MALSU1: variants seen among roughly 807,000 people sequenced by gnomAD.
The protein encoded by MALSU1 is mitochondrial assembly of ribosomal large subunit 1.
A neutral mutation model predicts 22.1 loss-of-function variants in MALSU1; 22 were observed. The ratio of observed to expected loss-of-function variants is 1.00; its 90% confidence interval spans 0.71 to 1.42. The LOEUF is 1.42. MALSU1 is among the 40% of genes most tolerant of loss of function. The pLI is 0.00. For synonymous variants in MALSU1, 153 were observed against 118.5 expected, an observed-to-expected ratio of 1.29 and a Z score of -1.89; for missense variants, 379 against 308.3, an observed-to-expected ratio of 1.23 and a Z score of -1.72.
chr7:23,300,299 C>G (rs966961316), intron 1 of MALSU1, among the ~76,000 whole-genome samples: 2 of 152,100 alleles, frequency 1.3e-5, no homozygotes, highest in African/African-American at 4.8e-5. Flanking sequence ...ATAATAATTA[C>G]TCAAAAATGT....
Position 23,309,365 on chromosome 7 carries a change from T to C in MALSU1, c.527T>C (p.Val176Ala). ...TATCTGTCCCTGACAGGCAGCATGG[T>C]GATTCATTTGATGCTTCCAGAAACC... ...DWLCVDFGSM[V>A]IHLMLPETRE... The change falls in exon 4 of 4, where the codon GTG becomes GCG. Residue 176 changes from valine (V) to alanine (A), a missense_variant. Val to Ala is a moderately conservative substitution (Grantham distance 64). Transcript: ENST00000466681. 2 of 1,609,594 alleles carry C rather than the reference T, an allele frequency of 1.2e-6. No individual in the cohort carries two copies. The highest frequency in any genetic ancestry group is 2.2e-5 in the South Asian group (2 of 90,122).
intron 3 of MALSU1, among the ~76,000 whole-genome samples, chr7:23,308,564 G>A (rs1049607367): frequency 1.3e-5 from 2 of 152,156 alleles, no homozygotes; most frequent in African/African-American, 2.4e-5. Context: ...AAGACTATTA[G>A]AGGGTTAGAG....
intron 3 of MALSU1, among the ~76,000 whole-genome samples, chr7:23,309,077 T>C (rs369453428): frequency 2.6e-5 from 4 of 152,168 alleles, no homozygotes; most frequent in African/African-American, 9.7e-5. Flanking sequence ...CCATGGAGAA[T>C]TGTCACCGAA....
intron 2 of MALSU1, among the ~76,000 whole-genome samples, chr7:23,303,417 T>C (rs1303455100): frequency 6.6e-6 from 1 of 152,236 alleles, no homozygotes; most frequent in Non-Finnish European, 1.5e-5. Context: ...ACATTTTGTT[T>C]ATCCCCTTAT....
At chr7:23,308,409 A>G (rs1783752893) in intron 3 of MALSU1, among the ~76,000 whole-genome samples, 1 of 152,220 alleles carries the variant, frequency 6.6e-6, no homozygotes. Context: ...ATTAATGTGT[A>G]CATAGTTTCA....
At position 23,310,576 on chromosome 7, in the gene MALSU1, A is replaced by G. The variant is rs1783799431; in HGVS notation, c.*1033A>G. The G allele has an allele frequency of 3.9e-5, 6 of 152,370 alleles. No individual in the cohort carries two copies. The South Asian group carries it at 1.2e-3, about 32-fold the overall frequency. The allele number at this position is 152,370 out of a possible 1,614,324, so 9.4% of individuals were successfully genotyped here. On this transcript the variant is annotated 3_prime_UTR_variant, in exon 4 of 4. Coordinates refer to ENST00000466681, the MANE Select transcript of MALSU1 (RefSeq NM_138446.2). Reference sequence around the variant, plus strand: ...AACCAGAAAGCCAGTCCATGATTTTAGCAATTTTAATTCATTGTATGAAAA... The same window carrying G: ...AACCAGAAAGCCAGTCCATGATTTTGGCAATTTTAATTCATTGTATGAAAA...
rs1427113938 is a variant in MALSU1, at chr7:23,299,597, C to T, written c.245C>T (p.Ser82Leu). The change falls in exon 1 of 4, where the codon TCG becomes TTG. Residue 82 changes from serine to leucine, a missense_variant. Ser to Leu is a moderately radical substitution (Grantham distance 145, BLOSUM62 -2). Transcript: ENST00000466681. ...ACGGTCAACGAGGGACGCCCAGAATCGGACGCGGCAGGTACGGGCGTGGAG... is the reference window on the plus strand; with the variant it reads ...ACGGTCAACGAGGGACGCCCAGAATTGGACGCGGCAGGTACGGGCGTGGAG... ...EGTVNEGRPE[S>L]DAADHTGPKF... 5.0e-6 allele frequency: 8 copies of T among 1,587,376 alleles called. No individual in the cohort carries two copies. The highest frequency in any genetic ancestry group is 1.3e-5 in the African/African-American group (1 of 74,098).
intron 1 of MALSU1, 76 bp downstream of exon 1, chr7:23,299,684 G>C: frequency 6.8e-7 from 1 of 1,469,662 alleles, no homozygotes; most frequent in Non-Finnish European, 9.1e-7. Flanking sequence ...GTGGCTCTGG[G>C]TTCCCCTCTA....
intron 2 of MALSU1, among the ~76,000 whole-genome samples, chr7:23,307,069 AT>A (rs1275415015): frequency 6.6e-6 from 1 of 152,078 alleles, no homozygotes; most frequent in Non-Finnish European, 1.5e-5. Flanking sequence ...GAAACTTTAT[AT>A]TTCTGCATGA....
intron 3 of MALSU1, among the ~76,000 whole-genome samples, chr7:23,308,991 G>C (rs1020673548): frequency 6.6e-6 from 1 of 152,260 alleles, no homozygotes; most frequent in Middle Eastern, 3.4e-3. Context: ...GAATATTCAC[G>C]ATACAAACAT....
At chr7:23,302,107 C>T (rs564218340) in intron 2 of MALSU1, among the ~76,000 whole-genome samples, 2 of 152,334 alleles carry the variant, frequency 1.3e-5, no homozygotes, top group Admixed American at 6.5e-5. Context: ...TTCTATTGGA[C>T]AGTGCTGGCC....
At chr7:23,309,234 A>G in intron 3 of MALSU1, 122 bp from the exon 4 acceptor site, 2 of 872,642 alleles carry the variant, frequency 2.3e-6, no homozygotes, top group Non-Finnish European at 1.7e-6. Flanking sequence ...CAGTGATGCT[A>G]ATCTGGGAAC....
intron 2 of MALSU1, 190 bp downstream of exon 2, chr7:23,301,207 C>A (rs1389741475): frequency 3.7e-6 from 2 of 539,676 alleles, no homozygotes; most frequent in Non-Finnish European, 6.6e-6. Flanking sequence ...ATATCCAGCC[C>A]TATTGAGTTA....
chr7:23,301,128 G>T, intron 2 of MALSU1, 111 bp downstream of exon 2: 1 of 1,005,146 alleles, frequency 9.9e-7, no homozygotes, highest in Non-Finnish European at 1.5e-6. Flanking sequence ...AGTTACAGAA[G>T]AAGCCCAAAT....
intron 3 of MALSU1, among the ~76,000 whole-genome samples, chr7:23,308,902 CCAT>C (rs1484263891): frequency 1.3e-5 from 2 of 151,800 alleles, no homozygotes; most frequent in South Asian, 4.1e-4. Flanking sequence ...CTAAACATTA[CCAT>C]TATTACCTAA....
In MALSU1 at chr7:23,307,941, T is replaced by C. The variant is rs371893239; in HGVS notation, c.509T>C (p.Val170Ala). ...EGKDTDDWLC[V>A]DFGSMVIHLM... ...AAGGACACTGATGACTGGCTGTGCG[T>C]GGATTTTGGTAAGTTATTCTGGCGT... The change falls in exon 3 of 4, where the codon GTG becomes GCG. Residue 170 changes from valine to alanine, a missense_variant. By Grantham distance (64) the Val-to-Ala change is moderately conservative. Coordinates refer to ENST00000466681, the MANE Select transcript of MALSU1 (RefSeq NM_138446.2). The C allele has an allele frequency of 6.2e-7, 1 of 1,612,380 alleles. No homozygotes were observed. Among genetic ancestry groups the C allele is most frequent in the African/African-American group, 1.3e-5 (1 of 74,904 alleles).
intron 2 of MALSU1, among the ~76,000 whole-genome samples, chr7:23,305,588 GCTGGTCTTAAA>G (rs1170130820): frequency 1.3e-5 from 2 of 152,020 alleles, no homozygotes; most frequent in Admixed American, 1.3e-4. Flanking sequence ...TTTTGGCTAG[GCTGGTCTTAAA>G]CTCCTAACCT....
chr7:23,301,610 G>A (rs1783649750), intron 2 of MALSU1, among the ~76,000 whole-genome samples: 1 of 152,144 alleles, frequency 6.6e-6, no homozygotes, highest in Admixed American at 6.6e-5. Context: ...TATAACCAGA[G>A]GGATTTCTAG....
chr7:23,308,026 T>C (rs1330548360), intron 3 of MALSU1, 77 bp downstream of exon 3: 8 of 1,096,446 alleles, frequency 7.3e-6, no homozygotes, highest in Non-Finnish European at 1.1e-5. Context: ...TGCAAAAGGA[T>C]TGAGATCAAA....
Sources: gnomAD v4.1 joint callset for allele counts (sites outside exome capture counted in the v4.1 genomes callset) on GRCh38, gnomAD v4.1.1 for gene constraint, MANE v1.5 for transcripts, NCBI Gene and HGNC (gene_info 2026-07-23, HGNC 2026-07-21) for gene names.